Variants in KHDRBS3 observed in about 807,000 individuals in gnomAD.
KHDRBS3 encodes the protein KH domain-containing, RNA-binding, signal transduction-associated protein 3.
KHDRBS3 carries 23 observed loss-of-function variants against 45.6 expected under a neutral mutation model. The observed-to-expected ratio is 0.50, with a 90% confidence interval of 0.36 to 0.72. KHDRBS3 has a LOEUF of 0.72. Ranked by LOEUF, KHDRBS3 falls within the 30% of genes least tolerant of loss-of-function variation. KHDRBS3 has a pLI of 0.00. For synonymous variants in KHDRBS3, 162 were observed against 156.5 expected (o/e 1.04, Z -0.26); for missense variants, 352 against 424.8 (o/e 0.83, Z 1.51).
intron 1 of KHDRBS3, among the ~76,000 whole-genome samples, chr8:135,497,627 A>G (rs1377704502): frequency 1.3e-5 from 2 of 152,224 alleles, no homozygotes. Flanking sequence ...GTAATATATC[A>G]AAATAAATTG....
intron 1 of KHDRBS3, among the ~76,000 whole-genome samples, chr8:135,504,957 C>G (rs1823915330): frequency 6.6e-6 from 1 of 152,164 alleles, no homozygotes; most frequent in Non-Finnish European, 1.5e-5. Flanking sequence ...CACTTATTCT[C>G]TGCTCTCAGC....
chr8:135,480,208 T>C (rs999044612), intron 1 of KHDRBS3, among the ~76,000 whole-genome samples: 1 of 152,222 alleles, frequency 6.6e-6, no homozygotes, highest in African/African-American at 2.4e-5. Flanking sequence ...GGTACCATTA[T>C]ATTTGTGAAA....
intron 5 of KHDRBS3, among the ~76,000 whole-genome samples, chr8:135,570,037 C>A (rs1460527396): frequency 2.0e-5 from 3 of 152,068 alleles, no homozygotes; most frequent in African/African-American, 7.2e-5. Context: ...TATAAGGCAG[C>A]CTTACGGGGC....
chr8:135,616,281 G>A (rs1182821947), intron 7 of KHDRBS3, among the ~76,000 whole-genome samples: 1 of 152,142 alleles, frequency 6.6e-6, no homozygotes, highest in Non-Finnish European at 1.5e-5. Flanking sequence ...TTCTCTTTGA[G>A]ATCAAGCTTA....
intron 3 of KHDRBS3, among the ~76,000 whole-genome samples, chr8:135,544,058 A>T (rs1360814027): frequency 6.6e-6 from 1 of 152,158 alleles, no homozygotes; most frequent in Non-Finnish European, 1.5e-5. Context: ...AAATGAAAAC[A>T]TATATTTGGC....
intron 1 of KHDRBS3, among the ~76,000 whole-genome samples, chr8:135,477,947 GGT>G (rs1352552211): frequency 6.6e-6 from 1 of 152,146 alleles, no homozygotes; most frequent in Admixed American, 6.5e-5. Context: ...GTGAGTGGCT[GGT>G]GAGTGAGCAT....
chr8:135,612,189 T>C (rs1410519547), intron 7 of KHDRBS3, among the ~76,000 whole-genome samples: 1 of 151,862 alleles, frequency 6.6e-6, no homozygotes, highest in Non-Finnish European at 1.5e-5. Flanking sequence ...GCCTTTCAGC[T>C]CTCCTTTTGT....
chr8:135,556,406 G>A (rs1826888431), intron 4 of KHDRBS3, among the ~76,000 whole-genome samples: 1 of 152,172 alleles, frequency 6.6e-6, no homozygotes, highest in Non-Finnish European at 1.5e-5. Context: ...GTTGTTTCCT[G>A]ACTTTTTAAT....
intron 6 of KHDRBS3, among the ~76,000 whole-genome samples, chr8:135,592,586 A>G (rs569669767): frequency 7.4e-4 from 113 of 152,302 alleles, no homozygotes; most frequent in African/African-American, 2.6e-3. Flanking sequence ...CTTTAAGTAG[A>G]TAAGAGTCTA....
At chr8:135,609,575 G>A (rs1377329097) in intron 7 of KHDRBS3, among the ~76,000 whole-genome samples, 1 of 148,940 alleles carries the variant, frequency 6.7e-6, no homozygotes, top group Non-Finnish European at 1.5e-5. Flanking sequence ...GATTACAGGT[G>A]TGAGCCACCA....
chr8:135,578,360 A>G (rs1268581895), intron 5 of KHDRBS3, among the ~76,000 whole-genome samples: 1 of 151,574 alleles, frequency 6.6e-6, no homozygotes, highest in Non-Finnish European at 1.5e-5. Flanking sequence ...TTTATGTTTC[A>G]TATTTGGTTT....
At chr8:135,534,179 T>C (rs1405981051) in intron 2 of KHDRBS3, among the ~76,000 whole-genome samples, 1 of 151,908 alleles carries the variant, frequency 6.6e-6, no homozygotes, top group East Asian at 1.9e-4. Context: ...ATTGTTTATC[T>C]AATACTAATA....
At position 135,631,252 on chromosome 8, in the gene KHDRBS3, GAAAAAAAAAAA is replaced by G. The variant is rs35613635; in HGVS notation, c.891-13796_891-13786del. Among the ~76,000 whole-genome samples the G allele has an allele frequency of 2.8e-3, 212 of 74,992 alleles. 1 individual carries two copies. Among genetic ancestry groups the G allele is most frequent in the African/African-American group, 0.012 (203 of 17,638 alleles). The allele number at this position is 74,992 out of a possible 152,430, so 49.2% of individuals were successfully genotyped here. A position where few individuals can be genotyped will look rare whatever the true frequency, so the allele number is the denominator to read the frequency against. On this transcript the variant is annotated intron_variant, in intron 7 of 8. Transcript: ENST00000355849. ...GGCAACAGAGCGAGACTCCGTCTCGGAAAAAAAAAAAAAAAAAAAAAGGATTTTTCTTCAAT... is the reference window on the plus strand; with the variant it reads ...GGCAACAGAGCGAGACTCCGTCTCGGAAAAAAAAAAGGATTTTTCTTCAAT...
rs554385440 is a variant in KHDRBS3, at chr8:135,466,334, T to A, written c.88+8380T>A. On this transcript the variant is annotated intron_variant, in intron 1 of 8. Coordinates refer to ENST00000355849, the MANE Select transcript of KHDRBS3 (RefSeq NM_006558.3). Reference sequence around the variant, plus strand: ...CTTTCACGTGAATTTAGTTTTGTTGTTCTCATTTTACAGGTAAGAAGTGGA... The same window carrying A: ...CTTTCACGTGAATTTAGTTTTGTTGATCTCATTTTACAGGTAAGAAGTGGA... 1.2e-4 allele frequency among the ~76,000 whole-genome samples: 18 copies of A among 152,340 alleles called. 1 individual carries two copies. The highest frequency in any genetic ancestry group is 1.0e-3 in the Admixed American group (16 of 15,302).
At chr8:135,573,336 A>G (rs530620024) in intron 5 of KHDRBS3, among the ~76,000 whole-genome samples, 1 of 152,358 alleles carries the variant, frequency 6.6e-6, no homozygotes, top group Admixed American at 6.5e-5. Context: ...ATCAGACCAC[A>G]TTGCTGTTGC....
At chr8:135,626,576 G>A (rs4998064) in intron 7 of KHDRBS3, among the ~76,000 whole-genome samples, 130,993 of 151,980 alleles carry the variant, frequency 0.86, 56,574 homozygotes, top group East Asian at 1. Context: ...GGCCGAGGCG[G>A]GCGGATCACG....
At chr8:135,586,918 A>G (rs2130945019) in intron 6 of KHDRBS3, among the ~76,000 whole-genome samples, 1 of 152,270 alleles carries the variant, frequency 6.6e-6, no homozygotes, top group Non-Finnish European at 1.5e-5. Context: ...CAATAGCTGC[A>G]TTTTTCAGAA....
intron 1 of KHDRBS3, among the ~76,000 whole-genome samples, chr8:135,514,551 G>C (rs954395316): frequency 1.3e-5 from 2 of 152,204 alleles, no homozygotes; most frequent in African/African-American, 4.8e-5. Context: ...GTTACCAAGG[G>C]CTGAGGGGAA....
chr8:135,492,607 A>G (rs1823216813), intron 1 of KHDRBS3, among the ~76,000 whole-genome samples: 1 of 151,786 alleles, frequency 6.6e-6, no homozygotes, highest in Non-Finnish European at 1.5e-5. Context: ...TTGATTGACC[A>G]TATGTGTGTG....
Sources: gnomAD v4.1 joint callset for allele counts (sites outside exome capture counted in the v4.1 genomes callset) on GRCh38, gnomAD v4.1.1 for gene constraint, MANE v1.5 for transcripts, NCBI Gene and HGNC (gene_info 2026-07-23, HGNC 2026-07-21) for gene names.